The following MICU2 variants were observed in gnomAD, a reference collection of about 807,000 sequenced individuals.
MICU2 encodes the protein calcium uptake protein 2, mitochondrial.
A neutral mutation model predicts 60.4 loss-of-function variants in MICU2; 64 were observed. The observed-to-expected ratio is 1.06, with a 90% CI of 0.87 to 1.31. MICU2 has a LOEUF of 1.31. Ranked by LOEUF, MICU2 falls within the 50% of genes most tolerant of loss-of-function variation. The probability of loss-of-function intolerance (pLI) is 0.00; values close to 1 mark genes in which losing one functional copy is unlikely to be tolerated. For synonymous variants in MICU2, 201 were observed against 175.0 expected (o/e 1.15, Z -1.17); for missense variants, 569 against 531.0 (o/e 1.07, Z -0.70).
chr13:21,545,239 C>T (rs1456842712), intron 2 of MICU2, among the ~76,000 whole-genome samples: 7 of 152,034 alleles, frequency 4.6e-5, no homozygotes, highest in Admixed American at 4.6e-4. Flanking sequence ...TATATGCATA[C>T]AATGGAATGC....
intron 2 of MICU2, among the ~76,000 whole-genome samples, chr13:21,545,186 T>C (rs1461154580): frequency 6.6e-6 from 1 of 152,108 alleles, no homozygotes; most frequent in Non-Finnish European, 1.5e-5. Flanking sequence ...GGAATCAACC[T>C]AAGTGTCCAA....
At chr13:21,564,962 T>C (rs1003660898) in intron 2 of MICU2, among the ~76,000 whole-genome samples, 5 of 152,062 alleles carry the variant, frequency 3.3e-5, no homozygotes, top group Non-Finnish European at 5.9e-5. Flanking sequence ...CTGGCTCCAG[T>C]GGTGGGTTCT....
At chr13:21,533,618 C>G (rs909015314) in intron 4 of MICU2, among the ~76,000 whole-genome samples, 2 of 151,410 alleles carry the variant, frequency 1.3e-5, no homozygotes, top group African/African-American at 4.9e-5. Context: ...CCACTGCGCC[C>G]GGACAAGGCA....
At chr13:21,588,754 GA>G (rs1267686784) in intron 1 of MICU2, among the ~76,000 whole-genome samples, 4 of 152,252 alleles carry the variant, frequency 2.6e-5, no homozygotes, top group African/African-American at 7.2e-5. Context: ...TCATCAACCA[GA>G]GGAAGGAAAA....
In MICU2 at chr13:21,493,339, C is replaced by G; in HGVS notation, c.1215G>C (p.Gln405His). 6.2e-7 allele frequency: 1 copy of G among 1,605,140 alleles called. No individual in the cohort carries two copies. The highest frequency in any genetic ancestry group is 1.7e-5 in the Admixed American group (1 of 58,236). Residue 405 changes from glutamine to histidine, a missense_variant, in exon 12 of 12, where the codon CAG becomes CAC. Gln to His is a conservative substitution (Grantham distance 24, BLOSUM62 0). Transcript: ENST00000382374. Reference protein sequence around the residue: ...MHRGLWVPQHQSIQEYWKCVK... With the variant: ...MHRGLWVPQHHSIQEYWKCVK... ...CACACTTCCAGTATTCTTGTATACT[C>G]TGATGTTGTGGTACCTGTTAACCGA... is the stretch of plus-strand genomic sequence containing the variant.
chr13:21,513,549 C>T (rs1343767029), intron 7 of MICU2, among the ~76,000 whole-genome samples: 1 of 151,840 alleles, frequency 6.6e-6, no homozygotes, highest in South Asian at 2.1e-4. Context: ...ACCAGCCTGA[C>T]CAACATGGTG....
chr13:21,514,778 G>A (rs2138154980), intron 6 of MICU2, among the ~76,000 whole-genome samples: 1 of 150,894 alleles, frequency 6.6e-6, no homozygotes, highest in African/African-American at 2.4e-5. Flanking sequence ...CTGACTTTGT[G>A]ATCCACCCGC....
chr13:21,496,357 T>G (rs960259324), intron 9 of MICU2, 197 bp from the exon 10 acceptor site: 7 of 506,508 alleles, frequency 1.4e-5, no homozygotes, highest in Non-Finnish European at 2.4e-5. Flanking sequence ...AGGTGCTGTG[T>G]GCAGGCTGGG....
At chr13:21,519,344 T>C (rs767807163) in intron 6 of MICU2, among the ~76,000 whole-genome samples, 4 of 152,132 alleles carry the variant, frequency 2.6e-5, no homozygotes, top group Non-Finnish European at 4.4e-5. Context: ...AGGCGTGAGC[T>C]ACCGTGCCCA....
At chr13:21,515,608 A>G in intron 6 of MICU2, 1 of 424,462 alleles carries the variant, frequency 2.4e-6, no homozygotes. Context: ...TAAAAGAATC[A>G]GATGTAGACA....
intron 4 of MICU2, among the ~76,000 whole-genome samples, chr13:21,533,593 G>T (rs1887060221): frequency 6.6e-6 from 1 of 152,084 alleles, no homozygotes; most frequent in African/African-American, 2.4e-5. Flanking sequence ...AAAGTGCTGG[G>T]ATTACAAGCG....
chr13:21,567,058 T>C (rs1433299768), intron 1 of MICU2, 114 bp from the exon 2 acceptor site: 16 of 845,300 alleles, frequency 1.9e-5, no homozygotes, highest in Non-Finnish European at 2.8e-5. Context: ...CCCAAACTTT[T>C]AAAATCATTC....
chr13:21,533,618 C>T (rs909015314), intron 4 of MICU2, among the ~76,000 whole-genome samples: 1 of 151,408 alleles, frequency 6.6e-6, no homozygotes, highest in South Asian at 2.1e-4. Context: ...CCACTGCGCC[C>T]GGACAAGGCA....
intron 1 of MICU2, among the ~76,000 whole-genome samples, chr13:21,568,809 C>T (rs1274416147): frequency 6.6e-6 from 1 of 150,962 alleles, no homozygotes; most frequent in African/African-American, 2.4e-5. Context: ...CACTCTCTTA[C>T]AGCAAGACAT....
In MICU2 at chr13:21,552,855, AG is replaced by A. The variant is rs1887607087; in HGVS notation, c.359-13168del. On this transcript the variant is annotated intron_variant, in intron 2 of 11. Transcript: ENST00000382374. The stretch of plus-strand genomic sequence containing the variant: ...TAGCCTTGTAGTATAGTTTGAAGTC[AG>A]GTAGCGTGATGCCTCCAGCTTTGTT... 4.6e-5 allele frequency among the ~76,000 whole-genome samples: 7 copies of A among 152,334 alleles called. No homozygotes were observed. In the South Asian group the frequency reaches 1.4e-3, roughly 32 times the overall value.
intron 6 of MICU2, among the ~76,000 whole-genome samples, chr13:21,517,899 T>TC (rs1487702453): frequency 6.6e-6 from 1 of 151,974 alleles, no homozygotes; most frequent in Non-Finnish European, 1.5e-5. Context: ...ATGTAGTTTT[T>TC]CCTCTTCAAT....
chr13:21,604,118 C>A lies in MICU2; in HGVS notation c.31G>T (p.Val11Leu), dbSNP rs1372378562. The A allele has an allele frequency of 2.7e-5, 42 of 1,577,942 alleles. No individual in the cohort carries two copies. The highest frequency in any genetic ancestry group is 3.3e-5 in the Non-Finnish European group (38 of 1,164,298). Residue 11 changes from valine (V) to leucine (L), a missense_variant, in exon 1 of 12, where the codon GTG (valine) becomes TTG (leucine). Coordinates refer to ENST00000382374, the MANE Select transcript of MICU2 (RefSeq NM_152726.3). Reference sequence around the variant, plus strand: ...CGCAGTTTTCCGCCCCAGGCCGCCACCCGCGCGCAGCTACCCGCAGCCGCC... The same window carrying A: ...CGCAGTTTTCCGCCCCAGGCCGCCAACCGCGCGCAGCTACCCGCAGCCGCC... Reference protein sequence around the residue: MAAAAGSCARVAAWGGKLRRG... With the variant: MAAAAGSCARLAAWGGKLRRG...
chr13:21,533,416 C>G (rs566415499), intron 4 of MICU2, among the ~76,000 whole-genome samples: 226 of 148,810 alleles, frequency 1.5e-3, no homozygotes, highest in African/African-American at 5.3e-3. Flanking sequence ...CTCTGCCCCC[C>G]GGGTTCACGC....
At chr13:21,583,203 T>C (rs529406372) in intron 1 of MICU2, among the ~76,000 whole-genome samples, 123 of 152,134 alleles carry the variant, frequency 8.1e-4, no homozygotes, top group Non-Finnish European at 1.5e-3. Flanking sequence ...GAGCTATGAT[T>C]GCACCACTAT....
Sources: gnomAD v4.1 joint callset for allele counts (sites outside exome capture counted in the v4.1 genomes callset) on GRCh38, gnomAD v4.1.1 for gene constraint, MANE v1.5 for transcripts, NCBI Gene and HGNC (gene_info 2026-07-23, HGNC 2026-07-21) for gene names.